The following NOB1 variants were observed in gnomAD, a reference collection of about 807,000 sequenced individuals.
NOB1 encodes NIN1 (RPN12) binding protein 1 homolog, also known as RNA-binding protein NOB1.
In NOB1, 44 loss-of-function variants were observed where a neutral mutation model predicts 44.8. That is an observed-to-expected ratio of 0.98 (90% CI 0.77 to 1.26). The LOEUF (loss-of-function observed/expected upper bound fraction) is 1.26, where lower values mean the gene tolerates loss of function less well. NOB1 is among the 50% of genes most tolerant of loss of function. NOB1 has a pLI of 0.00. For missense variants in NOB1, 560 were observed against 544.8 expected (o/e 1.03, Z -0.28); for synonymous variants, 238 against 218.7 (o/e 1.09, Z -0.78).
At chr16:69,753,542 A>G (rs2038499619) in intron 2 of NOB1, among the ~76,000 whole-genome samples, 1 of 152,220 alleles carries the variant, frequency 6.6e-6, no homozygotes, top group South Asian at 2.1e-4. Flanking sequence ...TTATGTGTTA[A>G]TGCATTTCAT....
chr16:69,750,312 A>G (rs965641832), intron 3 of NOB1, among the ~76,000 whole-genome samples: 7 of 152,034 alleles, frequency 4.6e-5, no homozygotes, highest in Admixed American at 1.3e-4. Flanking sequence ...GCTGACATCC[A>G]GTGTTTTAAA....
Position 69,749,625 on chromosome 16 carries a change from C to G in NOB1, c.333G>C (p.Lys111Asn). Residue 111 changes from lysine to asparagine, a missense_variant, in exon 4 of 9, where the codon AAG (lysine) becomes AAC (asparagine). By Grantham distance (94) the Lys-to-Asn change is moderately conservative. Transcript: ENST00000268802. ...SHLKQEPQKV[K>N]VSSSIQHPET... ...CTGGGTGCTGAATCGATGAGCTCAC[C>G]TTAACCTTTAAAAAAACAAAAAACA... 6.2e-7 allele frequency: 1 copy of G among 1,601,420 alleles called. No individual in the cohort carries two copies. The highest frequency in any genetic ancestry group is 8.5e-7 in the Non-Finnish European group (1 of 1,176,644).
At position 69,742,550 on chromosome 16, in the gene NOB1, T is replaced by C. The variant is rs933762241; in HGVS notation, c.1021A>G (p.Thr341Ala). 5.0e-6 allele frequency: 8 copies of C among 1,613,626 alleles called. No homozygotes were observed. The highest frequency in any genetic ancestry group is 6.8e-6 in the Non-Finnish European group (8 of 1,179,930). Residue 341 changes from threonine to alanine, a missense_variant, in exon 9 of 9, where the codon ACC becomes GCC. By Grantham distance (58) the Thr-to-Ala change is moderately conservative. Transcript: ENST00000268802. Reference sequence around the variant, plus strand: ...AGCTGAGGGAAGCGCTGATCCTCGGTGAGATGGGGGTTGATGGCGTATTTG... The same window carrying C: ...AGCTGAGGGAAGCGCTGATCCTCGGCGAGATGGGGGTTGATGGCGTATTTG... ...GGKYAINPHLTEDQRFPQLRL... is the reference protein window; with the variant it reads ...GGKYAINPHLAEDQRFPQLRL...
At chr16:69,746,018 T>C (rs552242258) in intron 7 of NOB1, among the ~76,000 whole-genome samples, 2 of 152,356 alleles carry the variant, frequency 1.3e-5, no homozygotes, top group East Asian at 1.9e-4. Flanking sequence ...AGCTTTACTA[T>C]CATGAGCCTG....
intron 2 of NOB1, 62 bp downstream of exon 2, chr16:69,754,532 A>G: frequency 3.8e-6 from 6 of 1,597,422 alleles, no homozygotes; most frequent in Non-Finnish European, 5.1e-6. Context: ...CTCGCACCCA[A>G]CTGGGTGCCA....
chr16:69,743,147 C>A (rs897033734), intron 8 of NOB1, among the ~76,000 whole-genome samples: 2 of 151,980 alleles, frequency 1.3e-5, no homozygotes, highest in Non-Finnish European at 1.5e-5. Context: ...TGGCACAACG[C>A]GAGGCTCAAA....
At chr16:69,746,413 A>G (rs1567642509) in intron 7 of NOB1, among the ~76,000 whole-genome samples, 2 of 152,242 alleles carry the variant, frequency 1.3e-5, no homozygotes, top group African/African-American at 4.8e-5. Context: ...GCGGTTTCCA[A>G]GGTCCCAGAG....
intron 7 of NOB1, among the ~76,000 whole-genome samples, chr16:69,747,340 C>G (rs1053753840): frequency 6.6e-6 from 1 of 151,952 alleles, no homozygotes; most frequent in African/African-American, 2.4e-5. Context: ...GAGTTAAAGA[C>G]CAGCCTGGGC....
intron 8 of NOB1, among the ~76,000 whole-genome samples, chr16:69,744,537 C>G: frequency 6.6e-6 from 1 of 152,164 alleles, no homozygotes; most frequent in South Asian, 2.1e-4. Flanking sequence ...GCCCTCTCTT[C>G]CGTGCTGTGC....
intron 7 of NOB1, among the ~76,000 whole-genome samples, chr16:69,747,820 AAC>A (rs2038445835): frequency 6.6e-6 from 1 of 152,100 alleles, no homozygotes; most frequent in Non-Finnish European, 1.5e-5. Context: ...AGGTGGAAGA[AAC>A]ACACATAATG....
rs762449409 is a variant in NOB1, at chr16:69,748,356, C to G, written c.727-27G>C. On this transcript the variant is annotated intron_variant, in intron 6 of 8. Coordinates refer to ENST00000268802, the MANE Select transcript of NOB1 (RefSeq NM_014062.3). ...TACAACCACAAGTTAAAGAAGAAAT[C>G]AATTTTCTTTTCACATTTCATTTTG... 22 of 1,584,356 alleles carry G rather than the reference C, an allele frequency of 1.4e-5. No homozygotes were observed. The African/African-American group carries it at 2.6e-4, about 18-fold the overall frequency.
intron 4 of NOB1, 48 bp from the exon 5 acceptor site, chr16:69,749,386 C>T: frequency 6.3e-7 from 1 of 1,581,468 alleles, no homozygotes; most frequent in South Asian, 1.2e-5. Flanking sequence ...CATCTGTAGC[C>T]ACCTCTCAGG....
chr16:69,747,506 C>G lies in NOB1; in HGVS notation c.824+726G>C, dbSNP rs534985697. 2.0e-5 allele frequency among the ~76,000 whole-genome samples: 3 copies of G among 152,274 alleles called. No individual in the cohort carries two copies. The East Asian group carries it at 5.8e-4, about 29-fold the overall frequency. ...GAAAATCTCTCAAGTATAAAGCAGACAAAACACAACAAACCTCCATGTATC... is the reference window on the plus strand; with the variant it reads ...GAAAATCTCTCAAGTATAAAGCAGAGAAAACACAACAAACCTCCATGTATC... On this transcript the variant is annotated intron_variant, in intron 7 of 8. Coordinates refer to ENST00000268802, the MANE Select transcript of NOB1 (RefSeq NM_014062.3).
intron 7 of NOB1, 46 bp downstream of exon 7, chr16:69,748,186 A>T (rs1196318747): frequency 7.1e-7 from 1 of 1,401,664 alleles, no homozygotes; most frequent in South Asian, 1.2e-5. Context: ...AGAAACAGGA[A>T]GAGTGTTCCA....
Position 69,754,640 on chromosome 16 carries a change from G to A in NOB1, c.150C>T (p.Pro50=). The change falls in exon 2 of 9, where the codon CCC becomes CCT. Residue 50 remains proline, a synonymous_variant. Coordinates refer to ENST00000268802, the MANE Select transcript of NOB1 (RefSeq NM_014062.3). ...KATRRRLAVL[P]YELRFKEPLP... is the part of the protein sequence containing the mutation. The stretch of plus-strand genomic sequence containing the variant: ...AGGGCTCCTTGAACCGCAGCTCGTA[G>A]GGCAGGACAGCGAGCCGCCTGCGTG... The A allele has an allele frequency of 6.2e-7, 1 of 1,614,212 alleles. No homozygotes were observed. The highest frequency in any genetic ancestry group is 8.5e-7 in the Non-Finnish European group (1 of 1,180,052).
Position 69,742,139 on chromosome 16 carries a change from T to G in NOB1, c.*193A>C. The stretch of plus-strand genomic sequence containing the variant: ...ACTTCCTTGGCAGGCAGCCAGGCGC[T>G]CCGGTGCTCACAGGCCATGGGACAG... On this transcript the variant is annotated 3_prime_UTR_variant, in exon 9 of 9. Transcript: ENST00000268802. 1.7e-6 allele frequency: 1 copy of G among 606,046 alleles called. No homozygotes were observed. The allele number at this position is 606,046 out of a possible 1,614,324, so 37.5% of individuals were successfully genotyped here. A position where few individuals can be genotyped will look rare whatever the true frequency, so the allele number is the denominator to read the frequency against.
chr16:69,753,726 G>T (rs2038501320), intron 2 of NOB1, among the ~76,000 whole-genome samples: 1 of 152,178 alleles, frequency 6.6e-6, no homozygotes, highest in Non-Finnish European at 1.5e-5. Context: ...ACCACTGAGG[G>T]GCCTTTCCTG....
In NOB1 at chr16:69,746,964, C is replaced by A. The variant is rs1482651008; in HGVS notation, c.824+1268G>T. On this transcript the variant is annotated intron_variant, in intron 7 of 8. Transcript: ENST00000268802. The stretch of plus-strand genomic sequence containing the variant: ...CTGGGCCAGGCGCGGTGGCTCATGC[C>A]TGTAATCTCAGCACTTTGGGAGGCT... 2.6e-5 allele frequency among the ~76,000 whole-genome samples: 4 copies of A among 151,990 alleles called. No homozygotes were observed. In the East Asian group the frequency reaches 7.7e-4, roughly 29 times the overall value.
intron 3 of NOB1, among the ~76,000 whole-genome samples, chr16:69,749,979 A>C (rs1288796444): frequency 7.9e-5 from 5 of 63,182 alleles, no homozygotes; most frequent in African/African-American, 2.1e-4. Context: ...ACTCTGTCTC[A>C]AAAAAAAAAA....
Sources: gnomAD v4.1 joint callset for allele counts (sites outside exome capture counted in the v4.1 genomes callset) on GRCh38, gnomAD v4.1.1 for gene constraint, MANE v1.5 for transcripts, NCBI Gene and HGNC (gene_info 2026-07-23, HGNC 2026-07-21) for gene names.